The following APH1B variants were observed in gnomAD, a reference collection of about 807,000 sequenced individuals.
The protein encoded by APH1B is aph-1B gamma-secretase subunit.
APH1B carries 27 observed loss-of-function variants against 28.2 expected under a neutral mutation model. That is an observed-to-expected ratio of 0.96 (90% confidence interval 0.70 to 1.32). The LOEUF (loss-of-function observed/expected upper bound fraction) is 1.32, where lower values mean the gene tolerates loss of function less well. Among genes scored for constraint, APH1B ranks in the 40% most tolerant of loss-of-function variants. The pLI is 0.00. For synonymous variants in APH1B, 141 were observed against 124.6 expected (o/e 1.13, Z -0.88); for missense variants, 305 against 313.6 (o/e 0.97, Z 0.21).
intron 4 of APH1B, among the ~76,000 whole-genome samples, chr15:63,294,298 A>G (rs2038540357): frequency 6.6e-6 from 1 of 152,150 alleles, no homozygotes; most frequent in Admixed American, 6.5e-5. Flanking sequence ...GGGAAAAAAA[A>G]TCCCACTATT....
chr15:63,292,082 A>G (rs1164153141), intron 4 of APH1B: 2 of 152,238 alleles, frequency 1.3e-5, no homozygotes, highest in East Asian at 3.8e-4. Context: ...TATTTTAAGA[A>G]TAATCTCTAC....
Position 63,305,828 on chromosome 15 carries a change from G to A in APH1B, c.*47G>A. 1 of 1,569,964 alleles carries A rather than the reference G, an allele frequency of 6.4e-7. No individual in the cohort carries two copies. Among genetic ancestry groups the A allele is most frequent in the Non-Finnish European group, 8.6e-7 (1 of 1,163,022 alleles). ...CAAACCGCAGACTACATCTTTAGAGGAAGCACAACTGTGCCTTTTTCTGAA... is the reference window on the plus strand; with the variant it reads ...CAAACCGCAGACTACATCTTTAGAGAAAGCACAACTGTGCCTTTTTCTGAA... On this transcript the variant is annotated 3_prime_UTR_variant, in exon 6 of 6. Coordinates refer to ENST00000261879, the MANE Select transcript of APH1B (RefSeq NM_031301.4).
intron 4 of APH1B, among the ~76,000 whole-genome samples, chr15:63,299,127 C>T (rs761767023): frequency 2.0e-5 from 3 of 152,070 alleles, no homozygotes. Flanking sequence ...CCATAGGATG[C>T]AGTTGAAGAT....
chr15:63,284,303 T>C (rs1213434339), intron 2 of APH1B, among the ~76,000 whole-genome samples: 1 of 150,104 alleles, frequency 6.7e-6, no homozygotes. Context: ...AGCCTCCACC[T>C]CCTTGGCTCA....
chr15:63,297,043 G>C (rs1467982261), intron 4 of APH1B, among the ~76,000 whole-genome samples: 2 of 152,188 alleles, frequency 1.3e-5, no homozygotes, highest in African/African-American at 4.8e-5. Context: ...TATTAGAAGA[G>C]GAAGTCCATT....
chr15:63,287,211 G>T, intron 3 of APH1B: 2 of 537,264 alleles, frequency 3.7e-6, no homozygotes, highest in Non-Finnish European at 3.2e-6. Flanking sequence ...TTACTCTGCT[G>T]CATTCTGCCA....
chr15:63,305,648 C>A lies in APH1B; in HGVS notation c.641C>A (p.Ala214Glu). Residue 214 changes from alanine to glutamate, a missense_variant, in exon 6 of 6, where the codon GCG becomes GAG. Coordinates refer to ENST00000261879, the MANE Select transcript of APH1B (RefSeq NM_031301.4). ...FISSYYGINL[A>E]SAFIILVLMG... ...AGTTCTTATTATGGAATAAACCTGG[C>A]GTCAGCATTTATAATCCTGGTGCTC... 1 of 1,614,164 alleles carries A rather than the reference C, an allele frequency of 6.2e-7. No individual in the cohort carries two copies. Among genetic ancestry groups the A allele is most frequent in the Non-Finnish European group, 8.5e-7 (1 of 1,180,020 alleles).
intron 2 of APH1B, among the ~76,000 whole-genome samples, chr15:63,283,767 A>C (rs1368440389): frequency 6.6e-6 from 1 of 152,080 alleles, no homozygotes; most frequent in Non-Finnish European, 1.5e-5. Context: ...CCATTACCCA[A>C]CCCACGGTCA....
intron 2 of APH1B, among the ~76,000 whole-genome samples, chr15:63,285,037 G>T (rs922755550): frequency 1.3e-5 from 2 of 152,166 alleles, no homozygotes; most frequent in Non-Finnish European, 2.9e-5. Context: ...GGACATTTTA[G>T]TTGGTTACTG....
intron 4 of APH1B, among the ~76,000 whole-genome samples, chr15:63,291,281 C>T (rs2038504220): frequency 6.6e-6 from 1 of 152,126 alleles, no homozygotes; most frequent in Admixed American, 6.5e-5. Context: ...TTCCGAATTA[C>T]CTCCCTTATG....
Position 63,277,710 on chromosome 15 carries a change from G to T in APH1B, c.87G>T (p.Pro29=). 1 of 1,610,848 alleles carries T rather than the reference G, an allele frequency of 6.2e-7. No individual in the cohort carries two copies. Among genetic ancestry groups the T allele is most frequent in the Non-Finnish European group, 8.5e-7 (1 of 1,178,582 alleles). ...ATGTCTTCACCATCGCCACCGAGCC[G>T]TTGCGTATCATCTTCCTCATCGCCG... is the stretch of plus-strand genomic sequence containing the variant. ...ALYVFTIATE[P]LRIIFLIAGA... is the part of the protein sequence containing the mutation. Residue 29 remains proline (P), a synonymous_variant, in exon 1 of 6, where the codon CCG becomes CCT. Transcript: ENST00000261879.
At chr15:63,293,869 A>G (rs906101336) in intron 4 of APH1B, among the ~76,000 whole-genome samples, 1 of 151,682 alleles carries the variant, frequency 6.6e-6, no homozygotes, top group Non-Finnish European at 1.5e-5. Flanking sequence ...GACTCAAACA[A>G]TCCTGCCACT....
At chr15:63,281,092 C>T (rs549619518) in intron 2 of APH1B, among the ~76,000 whole-genome samples, 4 of 152,062 alleles carry the variant, frequency 2.6e-5, no homozygotes, top group Admixed American at 2.6e-4. Context: ...GCCGTGATTG[C>T]ACCACTGTGC....
At chr15:63,302,618 A>C in intron 5 of APH1B, 146 bp downstream of exon 5, 1 of 1,071,754 alleles carries the variant, frequency 9.3e-7, no homozygotes, top group Middle Eastern at 3.2e-4. Context: ...TGAGTCATGT[A>C]AGTCTTACCA....
chr15:63,282,975 T>A (rs774941438), intron 2 of APH1B, among the ~76,000 whole-genome samples: 5 of 152,148 alleles, frequency 3.3e-5, no homozygotes, highest in Non-Finnish European at 7.3e-5. Flanking sequence ...AATTGTTTCT[T>A]TTTTTGTTCT....
chr15:63,284,557 G>A (rs2038426147), intron 2 of APH1B, among the ~76,000 whole-genome samples: 1 of 123,204 alleles, frequency 8.1e-6, no homozygotes, highest in South Asian at 2.9e-4. Flanking sequence ...CACTAGGTTT[G>A]TTTACACCAA....
intron 4 of APH1B, among the ~76,000 whole-genome samples, chr15:63,300,813 G>T (rs2038618746): frequency 6.6e-6 from 1 of 152,090 alleles, no homozygotes; most frequent in Non-Finnish European, 1.5e-5. Flanking sequence ...GAAATAATAC[G>T]CATTTTTTCA....
intron 2 of APH1B, among the ~76,000 whole-genome samples, chr15:63,282,823 T>G (rs940263334): frequency 6.6e-6 from 1 of 152,218 alleles, no homozygotes; most frequent in Non-Finnish European, 1.5e-5. Context: ...TGTCTATTTT[T>G]AAAAATTCTG....
chr15:63,279,146 T>C lies in APH1B; in HGVS notation c.114-15T>C, dbSNP rs746826717. On this transcript the variant is annotated splice_polypyrimidine_tract_variant and intron_variant, in intron 1 of 5. Coordinates refer to ENST00000261879, the MANE Select transcript of APH1B (RefSeq NM_031301.4). ...ACTGATGTTCACTTGTAACTTTTTT[T>C]CCCGTATTTTTCAGAGCTTTCTTCT... 23 of 1,579,816 alleles carry C rather than the reference T, an allele frequency of 1.5e-5. No individual in the cohort carries two copies. In the Middle Eastern group the frequency reaches 8.4e-4, roughly 58 times the overall value.
Sources: gnomAD v4.1 joint callset for allele counts (sites outside exome capture counted in the v4.1 genomes callset) on GRCh38, gnomAD v4.1.1 for gene constraint, MANE v1.5 for transcripts, NCBI Gene and HGNC (gene_info 2026-07-23, HGNC 2026-07-21) for gene names.